ELAVL2: variants seen among roughly 807,000 people sequenced by gnomAD.
The protein encoded by ELAVL2 is ELAV like RNA binding protein 2.
A neutral mutation model predicts 34.6 loss-of-function variants in ELAVL2; 4 were observed. The observed-to-expected ratio is 0.12, with a 90% CI of 0.06 to 0.26. The LOEUF (loss-of-function observed/expected upper bound fraction) is 0.26, where lower values mean the gene tolerates loss of function less well. Among genes scored for constraint, ELAVL2 ranks in the 10% least tolerant of loss-of-function variants. The probability of loss-of-function intolerance (pLI) is 1.00; values close to 1 mark genes in which losing one functional copy is unlikely to be tolerated. For synonymous variants in ELAVL2, 193 were observed against 154.8 expected (o/e 1.25, Z -1.83); for missense variants, 432 against 442.8 (o/e 0.98, Z 0.22).
At chr9:23,722,614 G>A (rs926070327) in intron 3 of ELAVL2, among the ~76,000 whole-genome samples, 4 of 152,152 alleles carry the variant, frequency 2.6e-5, no homozygotes, top group Non-Finnish European at 5.9e-5. Context: ...AGTGGTATCT[G>A]AGCAAAACAG....
chr9:23,701,797 A>G (rs187667677), intron 4 of ELAVL2, among the ~76,000 whole-genome samples, 193 bp from the exon 5 acceptor site: 27 of 152,304 alleles, frequency 1.8e-4, no homozygotes, highest in Non-Finnish European at 1.5e-4. Context: ...ACAATTTTGC[A>G]TTTTTAGAAA....
intron 5 of ELAVL2, among the ~76,000 whole-genome samples, chr9:23,700,429 G>C (rs1292875759): frequency 1.3e-5 from 2 of 152,132 alleles, no homozygotes; most frequent in African/African-American, 4.8e-5. Flanking sequence ...TGTTATCCCA[G>C]GATCAGAATA....
chr9:23,722,188 AAG>A (rs1221940407), intron 3 of ELAVL2, among the ~76,000 whole-genome samples: 1 of 152,216 alleles, frequency 6.6e-6, no homozygotes, highest in Non-Finnish European at 1.5e-5. Flanking sequence ...TGCTTTTTTA[AAG>A]AGTCTACGCA....
chr9:23,761,071 T>G (rs1307765190), intron 2 of ELAVL2, among the ~76,000 whole-genome samples: 1 of 152,044 alleles, frequency 6.6e-6, no homozygotes, highest in African/African-American at 2.4e-5. Flanking sequence ...TAGGTGAGAG[T>G]TCAGACTCCT....
chr9:23,704,268 T>C (rs1169483982), intron 4 of ELAVL2, among the ~76,000 whole-genome samples: 2 of 152,090 alleles, frequency 1.3e-5, no homozygotes, highest in Non-Finnish European at 2.9e-5. Flanking sequence ...GTATCTGTAT[T>C]TTATTTTTAA....
chr9:23,799,996 G>A lies in ELAVL2; in HGVS notation c.-16+25810C>T, dbSNP rs141503505. 2.4e-3 allele frequency among the ~76,000 whole-genome samples: 362 copies of A among 152,222 alleles called. 2 individuals carry two copies. Among genetic ancestry groups the A allele is most frequent in the African/African-American group, 8.5e-3 (354 of 41,544 alleles). On this transcript the variant is annotated intron_variant, in intron 1 of 6. Transcript: ENST00000397312. Reference sequence around the variant, plus strand: ...GGGGACAGACCTAATCTTTCCCTATGCAAGATTTGAAGAGTATTAGAGAAA... The same window carrying A: ...GGGGACAGACCTAATCTTTCCCTATACAAGATTTGAAGAGTATTAGAGAAA...
chr9:23,693,308 A>T (rs753171751), intron 6 of ELAVL2, 140 bp downstream of exon 6: 22 of 1,049,648 alleles, frequency 2.1e-5, no homozygotes, highest in Non-Finnish European at 3.1e-5. Flanking sequence ...TTGTGCTTCA[A>T]AGAGCAGCTT....
At chr9:23,785,271 A>C (rs2059546124) in intron 1 of ELAVL2, among the ~76,000 whole-genome samples, 1 of 152,212 alleles carries the variant, frequency 6.6e-6, no homozygotes, top group South Asian at 2.1e-4. Context: ...ATGAAAACAA[A>C]GTGTTTATCA....
intron 1 of ELAVL2, among the ~76,000 whole-genome samples, chr9:23,789,148 A>C (rs972221600): frequency 1.3e-5 from 2 of 152,234 alleles, no homozygotes; most frequent in African/African-American, 4.8e-5. Context: ...TGGGGAATAG[A>C]AGTTTGGCCT....
chr9:23,823,408 T>G (rs571648681), intron 1 of ELAVL2, among the ~76,000 whole-genome samples: 27 of 152,262 alleles, frequency 1.8e-4, no homozygotes, highest in Middle Eastern at 6.8e-3. Flanking sequence ...TCAGAAGAGT[T>G]CCCCAAGTCT....
At chr9:23,804,420 T>A (rs2061959781) in intron 1 of ELAVL2, among the ~76,000 whole-genome samples, 1 of 152,176 alleles carries the variant, frequency 6.6e-6, no homozygotes, top group Non-Finnish European at 1.5e-5. Context: ...ATAGATCTTT[T>A]TGAATGCTCT....
chr9:23,716,019 G>C (rs1191904780), intron 3 of ELAVL2, among the ~76,000 whole-genome samples: 1 of 152,110 alleles, frequency 6.6e-6, no homozygotes, highest in Non-Finnish European at 1.5e-5. Context: ...AGACGGGTAG[G>C]TGGACATTAT....
At chr9:23,693,620 T>G in intron 5 of ELAVL2, 134 bp from the exon 6 acceptor site, 2 of 1,091,320 alleles carry the variant, frequency 1.8e-6, no homozygotes, top group South Asian at 2.8e-5. Flanking sequence ...GAATGCTGGG[T>G]CTTTTTACGT....
At chr9:23,846,234 CACTT>C in the ELAVL2 span, among the ~76,000 whole-genome samples, 1 of 151,762 alleles carries the variant, frequency 6.6e-6, no homozygotes, top group Non-Finnish European at 1.5e-5. Context: ...TTTTCTATAT[CACTT>C]ACAGGTTTCT....
At chr9:23,715,378 G>C (rs964701973) in intron 3 of ELAVL2, among the ~76,000 whole-genome samples, 1 of 152,146 alleles carries the variant, frequency 6.6e-6, no homozygotes, top group African/African-American at 2.4e-5. Flanking sequence ...TTGATCTCCT[G>C]ACCTCGTGAG....
chr9:23,730,902 T>C (rs1389750756), intron 3 of ELAVL2, 120 bp downstream of exon 3: 2 of 873,666 alleles, frequency 2.3e-6, no homozygotes, highest in East Asian at 2.7e-5. Context: ...AAAATTCCAC[T>C]ATGTCTCCCA....
chr9:23,690,943 A>G lies in ELAVL2; in HGVS notation c.*1614T>C, dbSNP rs1417408881. On this transcript the variant is annotated 3_prime_UTR_variant, in exon 7 of 7. Transcript: ENST00000397312. ...GGTTTTTAAGCATCATACAAAGTTA[A>G]ATTTCAATAGCATACAGATATTTAT... is the stretch of plus-strand genomic sequence containing the variant. 6.6e-6 allele frequency: 1 copy of G among 152,626 alleles called. No individual in the cohort carries two copies. The highest frequency in any genetic ancestry group is 2.4e-5 in the African/African-American group (1 of 41,474). 9.5% of individuals were successfully genotyped at this position (152,626 alleles called of 1,614,324 possible).
At chr9:23,833,241 AT>A in the ELAVL2 span, among the ~76,000 whole-genome samples, 1 of 151,886 alleles carries the variant, frequency 6.6e-6, no homozygotes, top group Non-Finnish European at 1.5e-5. Flanking sequence ...TATTATTTTA[AT>A]GAATTCCAGC....
chr9:23,806,042 G>A lies in ELAVL2; in HGVS notation c.-16+19764C>T, dbSNP rs147823568. On this transcript the variant is annotated intron_variant, in intron 1 of 6. Coordinates refer to ENST00000397312, the MANE Select transcript of ELAVL2 (RefSeq NM_004432.5). ...ACCATAAATTCTTAATTATTCACAG[G>A]TATGGATGAAAAGAAATAGCACTTT... 1.8e-3 allele frequency among the ~76,000 whole-genome samples: 270 copies of A among 151,768 alleles called. 1 individual carries two copies. The highest frequency in any genetic ancestry group is 6.3e-3 in the African/African-American group (262 of 41,354).
Sources: gnomAD v4.1 joint callset for allele counts (sites outside exome capture counted in the v4.1 genomes callset) on GRCh38, gnomAD v4.1.1 for gene constraint, MANE v1.5 for transcripts, NCBI Gene and HGNC (gene_info 2026-07-23, HGNC 2026-07-21) for gene names.